Variants in BANK1 observed in about 807,000 individuals in gnomAD.
The protein encoded by BANK1 is B-cell scaffold protein with ankyrin repeats.
In BANK1, 95 loss-of-function variants were observed where a neutral mutation model predicts 94.5. That is an observed-to-expected ratio of 1.00 (90% CI 0.85 to 1.19). BANK1 has a LOEUF of 1.19. BANK1 is among the 50% of genes most tolerant of loss of function. The pLI, the probability that BANK1 is intolerant of heterozygous loss-of-function variation, is 0.00. For synonymous variants in BANK1, 334 were observed against 308.4 expected, an observed-to-expected ratio of 1.08 and a Z score of -0.87; for missense variants, 987 against 932.2, an observed-to-expected ratio of 1.06 and a Z score of -0.77.
intron 7 of BANK1, among the ~76,000 whole-genome samples, chr4:102,019,470 T>C (rs1250345654): frequency 6.6e-6 from 1 of 152,216 alleles, no homozygotes; most frequent in Non-Finnish European, 1.5e-5. Flanking sequence ...ACTGATGACA[T>C]AGATATTACT....
intron 7 of BANK1, among the ~76,000 whole-genome samples, chr4:102,012,352 T>G (rs963444415): frequency 1.3e-5 from 2 of 150,900 alleles, no homozygotes; most frequent in Non-Finnish European, 3.0e-5. Flanking sequence ...ACAATTCACA[T>G]TTTCCGTTTT....
In BANK1 at chr4:102,052,176, G is replaced by T. The variant is rs1560710101; in HGVS notation, c.1970-8035G>T. ...CTCTGTTGCCAGGCTGGAATAGAGT[G>T]ACACGATCTTGGCTCACTGCAGCCT... On this transcript the variant is annotated intron_variant, in intron 11 of 16. Coordinates refer to ENST00000322953, the MANE Select transcript of BANK1 (RefSeq NM_017935.5). 2.1e-5 allele frequency among the ~76,000 whole-genome samples: 3 copies of T among 139,866 alleles called. No homozygotes were observed. In the East Asian group the frequency reaches 6.4e-4, roughly 30 times the overall value. The allele number at this position is 139,866 out of a possible 152,430, so 91.8% of individuals were successfully genotyped here. A position where few individuals can be genotyped will look rare whatever the true frequency, so the allele number is the denominator to read the frequency against.
chr4:101,845,620 C>A (rs1203435271), intron 2 of BANK1, among the ~76,000 whole-genome samples: 1 of 152,102 alleles, frequency 6.6e-6, no homozygotes, highest in Non-Finnish European at 1.5e-5. Context: ...CAGTGAAAAC[C>A]AATTGACAAC....
chr4:101,926,720 C>T (rs1723164912), intron 7 of BANK1, among the ~76,000 whole-genome samples: 1 of 151,646 alleles, frequency 6.6e-6, no homozygotes, highest in South Asian at 2.1e-4. Context: ...GGAGGGGGAA[C>T]AATTTTGAAA....
intron 7 of BANK1, among the ~76,000 whole-genome samples, chr4:101,985,359 C>T (rs1043942014): frequency 1.3e-5 from 2 of 152,102 alleles, no homozygotes; most frequent in Admixed American, 6.6e-5. Flanking sequence ...CATCCAAAAA[C>T]GCCTTCACAG....
intron 13 of BANK1, among the ~76,000 whole-genome samples, chr4:102,068,133 T>C (rs573097540): frequency 1.3e-5 from 2 of 152,066 alleles, no homozygotes; most frequent in South Asian, 4.2e-4. Context: ...TGAATAATAA[T>C]GAAAAAATAT....
chr4:101,944,923 A>G (rs774690839), intron 7 of BANK1, among the ~76,000 whole-genome samples: 2 of 152,008 alleles, frequency 1.3e-5, no homozygotes, highest in Non-Finnish European at 2.9e-5. Flanking sequence ...ATGACCAAAC[A>G]GAAGCAAGTG....
intron 1 of BANK1, among the ~76,000 whole-genome samples, chr4:101,811,018 T>A (rs1725716974): frequency 6.6e-6 from 1 of 152,132 alleles, no homozygotes; most frequent in South Asian, 2.1e-4. Flanking sequence ...GTATCTCCAT[T>A]TCTTCAGCTC....
intron 7 of BANK1, among the ~76,000 whole-genome samples, chr4:101,950,382 CA>C (rs1478952841): frequency 6.6e-6 from 1 of 152,060 alleles, no homozygotes; most frequent in East Asian, 1.9e-4. Flanking sequence ...AAGCTCTATG[CA>C]AATTCCTGAG....
chr4:102,063,888 A>T (rs568681592), intron 13 of BANK1, among the ~76,000 whole-genome samples: 1 of 152,216 alleles, frequency 6.6e-6, no homozygotes, highest in East Asian at 1.9e-4. Flanking sequence ...ATATTAATAC[A>T]GTGAATTCTC....
At chr4:101,803,811 A>G (rs960882127) in intron 1 of BANK1, among the ~76,000 whole-genome samples, 12 of 150,636 alleles carry the variant, frequency 8.0e-5, no homozygotes, top group African/African-American at 2.9e-4. Flanking sequence ...TCCCGGCTAA[A>G]ACGGTGAAAC....
intron 6 of BANK1, among the ~76,000 whole-genome samples, chr4:101,899,257 C>T (rs1722193023): frequency 6.6e-6 from 1 of 151,908 alleles, no homozygotes; most frequent in African/African-American, 2.4e-5. Context: ...GTAACAAACA[C>T]ATCATCATTA....
intron 6 of BANK1, among the ~76,000 whole-genome samples, chr4:101,909,941 T>A (rs774651675): frequency 5.3e-5 from 8 of 152,220 alleles, no homozygotes; most frequent in Non-Finnish European, 1.0e-4. Flanking sequence ...GAAGTTTTCT[T>A]ACAGAAACTG....
At chr4:102,039,714 G>A (rs1027234947) in intron 10 of BANK1, among the ~76,000 whole-genome samples, 4 of 152,042 alleles carry the variant, frequency 2.6e-5, no homozygotes, top group Non-Finnish European at 4.4e-5. Context: ...CTATGACTGT[G>A]TCTTATTTAC....
chr4:101,830,976 C>T (rs761902957), intron 2 of BANK1, among the ~76,000 whole-genome samples: 32 of 152,288 alleles, frequency 2.1e-4, no homozygotes, highest in Admixed American at 3.9e-4. Context: ...GGGAATGTCT[C>T]TCTTGCAGTT....
intron 5 of BANK1, among the ~76,000 whole-genome samples, chr4:101,877,310 C>G (rs1417163520): frequency 6.6e-6 from 1 of 152,012 alleles, no homozygotes; most frequent in Non-Finnish European, 1.5e-5. Context: ...AAAAGGATGT[C>G]TGTGAGCAAT....
chr4:102,021,641 C>A, intron 8 of BANK1, 49 bp downstream of exon 8: 3 of 725,678 alleles, frequency 4.1e-6, no homozygotes, highest in Non-Finnish European at 6.1e-6. Flanking sequence ...ATATATATAT[C>A]ACATATATAT....
chr4:101,901,785 G>C (rs929170648), intron 6 of BANK1, among the ~76,000 whole-genome samples: 17 of 151,462 alleles, frequency 1.1e-4, no homozygotes, highest in East Asian at 1.9e-4. Context: ...TTTTGAAACA[G>C]AGTCTTGCTC....
At position 101,855,201 on chromosome 4, in the gene BANK1, T is replaced by TA. The variant is rs765763237; in HGVS notation, c.624+13dup. 1.0e-5 allele frequency: 16 copies of TA among 1,607,526 alleles called. No individual in the cohort carries two copies. The highest frequency in any genetic ancestry group is 1.3e-5 in the African/African-American group (1 of 74,742). On this transcript the variant is annotated intron_variant, in intron 3 of 16. Transcript: ENST00000322953. ...AAATTCCATGTGAGGTCAGTAAAGATACCTTGTTATTTAAGTGACCCCATT... is the reference window on the plus strand; with the variant it reads ...AAATTCCATGTGAGGTCAGTAAAGATAACCTTGTTATTTAAGTGACCCCATT...
Sources: allele counts gnomAD v4.1 joint callset (sites outside exome capture counted in the v4.1 genomes callset), GRCh38; gene constraint gnomAD v4.1.1; transcripts MANE v1.5; gene names NCBI Gene and HGNC (gene_info 2026-07-23, HGNC 2026-07-21).